Variants in SLC36A1 observed in about 807,000 individuals in gnomAD.
SLC36A1 encodes proton-coupled amino acid transporter 1.
Under a neutral mutation model 47.5 loss-of-function variants are expected in SLC36A1, and 30 were observed. The observed-to-expected ratio is 0.63, with a 90% confidence interval of 0.47 to 0.86. The LOEUF is 0.86. SLC36A1 is among the 40% of genes least tolerant of loss of function. The pLI is 0.00. For missense variants in SLC36A1, 517 were observed against 606.0 expected (o/e 0.85, Z 1.54); for synonymous variants, 255 against 249.7 (o/e 1.02, Z -0.20).
upstream of SLC36A1, among the ~76,000 whole-genome samples, chr5:151,445,768 T>C (rs3905908): frequency 0.23 from 35,461 of 152,182 alleles, 4,455 homozygotes; most frequent in African/African-American, 0.31. Context: ...TTATCCAATA[T>C]GTTGGCAAAT....
downstream of SLC36A1, among the ~76,000 whole-genome samples, chr5:151,497,317 G>A (rs556215027): frequency 5.9e-5 from 9 of 152,196 alleles, no homozygotes; most frequent in South Asian, 1.9e-3. Flanking sequence ...ACTGAATTTT[G>A]TCAAATGCTT....
the SLC36A1 span, among the ~76,000 whole-genome samples, chr5:151,373,314 A>G: frequency 6.6e-6 from 1 of 152,082 alleles, no homozygotes; most frequent in African/African-American, 2.4e-5. Flanking sequence ...ATAAGGACCA[A>G]CACAATACAC....
chr5:151,390,015 C>G, the SLC36A1 span, among the ~76,000 whole-genome samples: 1 of 152,214 alleles, frequency 6.6e-6, no homozygotes, highest in Non-Finnish European at 1.5e-5. Flanking sequence ...AACTAGTTTA[C>G]AGTCCCACCA....
At chr5:151,508,688 C>T in the SLC36A1 span, among the ~76,000 whole-genome samples, 7 of 147,672 alleles carry the variant, frequency 4.7e-5, no homozygotes, top group African/African-American at 1.3e-4. Context: ...GCAGCCTGGG[C>T]GACAGAGTGA....
chr5:151,528,221 G>A, the SLC36A1 span: 1,861 of 1,506,562 alleles, frequency 1.2e-3, 4 homozygotes, highest in Non-Finnish European at 1.4e-3. Flanking sequence ...CCCTGCCCCA[G>A]TGACTGCCTT....
the SLC36A1 span, among the ~76,000 whole-genome samples, chr5:151,409,181 G>GA: frequency 6.6e-6 from 1 of 151,298 alleles, no homozygotes; most frequent in African/African-American, 2.4e-5. Context: ...TTGTGTTTTG[G>GA]TAGAGACAGG....
intron 9 of SLC36A1, 29 bp from the exon 10 acceptor site, chr5:151,479,291 C>T (rs758580399): frequency 6.2e-7 from 1 of 1,610,460 alleles, no homozygotes; most frequent in Non-Finnish European, 8.5e-7. Flanking sequence ...GCTGAGCAGG[C>T]TTGGAATGTC....
At chr5:151,416,478 G>A in the SLC36A1 span, among the ~76,000 whole-genome samples, 1 of 152,186 alleles carries the variant, frequency 6.6e-6, no homozygotes, top group Non-Finnish European at 1.5e-5. Context: ...ATGATTGCTG[G>A]TAAATGCTTT....
At chr5:151,432,464 C>T (rs1175902243), upstream of SLC36A1, among the ~76,000 whole-genome samples, 2 of 152,138 alleles carry the variant, frequency 1.3e-5, no homozygotes, top group African/African-American at 4.8e-5. Context: ...TCCTCACCCC[C>T]CTCATATTCA....
At chr5:151,525,728 G>C in the SLC36A1 span, 1 of 1,609,342 alleles carries the variant, frequency 6.2e-7, no homozygotes, top group Non-Finnish European at 8.5e-7. Flanking sequence ...CATCTTTACT[G>C]TCCCCATGGT....
At chr5:151,352,862 C>T in the SLC36A1 span, among the ~76,000 whole-genome samples, 249 of 152,370 alleles carry the variant, frequency 1.6e-3, no homozygotes, top group Admixed American at 5.3e-3. Flanking sequence ...CCTCCCATCT[C>T]AAGATCCCTA....
At position 151,480,360 on chromosome 5, in the gene SLC36A1, T is replaced by C. The variant is rs187848578; in HGVS notation, c.1159+871T>C. ...TATTATGTTGAGACTTCCCTGAGAA[T>C]TTTCTTAAATTATTCAGTCTGAGCC... On this transcript the variant is annotated intron_variant, in intron 10 of 10. Coordinates refer to ENST00000243389, the MANE Select transcript of SLC36A1 (RefSeq NM_078483.4). Among the ~76,000 whole-genome samples, 4 of 152,334 alleles carry C rather than the reference T, an allele frequency of 2.6e-5. No homozygotes were observed. The East Asian group carries it at 7.7e-4, about 29-fold the overall frequency.
the SLC36A1 span, among the ~76,000 whole-genome samples, chr5:151,497,566 G>T: frequency 2.0e-5 from 3 of 152,314 alleles, no homozygotes; most frequent in East Asian, 5.8e-4. Flanking sequence ...AAAGCCATAT[G>T]CATAACTTCT....
chr5:151,355,570 A>G, the SLC36A1 span, among the ~76,000 whole-genome samples: 154 of 152,296 alleles, frequency 1.0e-3, no homozygotes, highest in African/African-American at 3.6e-3. Context: ...AATGGAGACA[A>G]CCTGCATGTA....
chr5:151,521,677 G>A, the SLC36A1 span: 2 of 1,614,002 alleles, frequency 1.2e-6, no homozygotes, highest in Non-Finnish European at 1.7e-6. Context: ...CTCCTCGGGG[G>A]TGAGCTGGTA....
the SLC36A1 span, among the ~76,000 whole-genome samples, chr5:151,512,994 T>A: frequency 3.3e-5 from 5 of 152,242 alleles, no homozygotes; most frequent in Non-Finnish European, 5.9e-5. This position sits in a 1 kb window ranked among gnomAD's most constrained non-coding sequence, Gnocchi z 4.1. Flanking sequence ...ACTTCCTTAT[T>A]CAACAGCTTA....
At chr5:151,493,853 C>A (rs1365131306), downstream of SLC36A1, among the ~76,000 whole-genome samples, 1 of 152,100 alleles carries the variant, frequency 6.6e-6, no homozygotes, top group Non-Finnish European at 1.5e-5. Flanking sequence ...TTGTAAAGTG[C>A]CATATGTCAT....
chr5:151,433,251 TATATATATATA>T (rs1561704963), upstream of SLC36A1, among the ~76,000 whole-genome samples: 1 of 18,396 alleles, frequency 5.4e-5, no homozygotes, highest in African/African-American at 2.1e-4. Flanking sequence ...TATATATATA[TATATATATATA>T]TATATTTTTT....
chr5:151,453,990 T>C (rs904480026), intron 1 of SLC36A1, among the ~76,000 whole-genome samples: 2 of 152,012 alleles, frequency 1.3e-5, no homozygotes, highest in Non-Finnish European at 2.9e-5. Flanking sequence ...TGGCATATTT[T>C]GTAGATTGAA....
Sources: allele counts gnomAD v4.1 joint callset (sites outside exome capture counted in the v4.1 genomes callset), GRCh38; gene constraint gnomAD v4.1.1; non-coding constraint Gnocchi (gnomAD v3.1); transcripts MANE v1.5; gene names NCBI Gene and HGNC (gene_info 2026-07-23, HGNC 2026-07-21).